GABRG1: variants seen among roughly 807,000 people sequenced by gnomAD.
GABRG1 encodes gamma-aminobutyric acid type A receptor subunit gamma1, also known as gamma-aminobutyric acid receptor subunit gamma-1.
In GABRG1, 49 loss-of-function variants were observed where a neutral mutation model predicts 49.8. That is an observed-to-expected ratio of 0.98 (90% CI 0.78 to 1.25). The LOEUF is 1.25. Among genes scored for constraint, GABRG1 ranks in the 50% most tolerant of loss-of-function variants. The probability of loss-of-function intolerance (pLI) is 0.00; values close to 1 mark genes in which losing one functional copy is unlikely to be tolerated. For missense variants in GABRG1, 552 were observed against 552.3 expected, an observed-to-expected ratio of 1.00 and a Z score of 0.01; for synonymous variants, 232 against 185.1, an observed-to-expected ratio of 1.25 and a Z score of -2.06.
At chr4:46,069,975 G>A (rs1182820169) in intron 3 of GABRG1, among the ~76,000 whole-genome samples, 1 of 151,954 alleles carries the variant, frequency 6.6e-6, no homozygotes, top group Non-Finnish European at 1.5e-5. Flanking sequence ...AGTAAATGGT[G>A]GAGGGAAGGG....
At chr4:46,056,986 A>G (rs1250567266) in intron 7 of GABRG1, among the ~76,000 whole-genome samples, 1 of 152,144 alleles carries the variant, frequency 6.6e-6, no homozygotes, top group African/African-American at 2.4e-5. Context: ...GGTATAAATA[A>G]TCCATTCAAA....
chr4:46,087,181 G>A (rs1388395197), intron 2 of GABRG1, among the ~76,000 whole-genome samples: 1 of 151,340 alleles, frequency 6.6e-6, no homozygotes, highest in Non-Finnish European at 1.5e-5. Flanking sequence ...TAAAGAATTT[G>A]TGTAAGACTT....
Position 46,037,052 on chromosome 4 carries a change from G to C in GABRG1, c.*3936C>G, listed in dbSNP as rs1378092459. On this transcript the variant is annotated 3_prime_UTR_variant, in exon 9 of 9. Transcript: ENST00000295452. ...CTCTTACCTGTTGAATCCCCAGCTC[G>C]CATCTCTAAACACATATCCTCCACA... 1 of 151,410 alleles carries C rather than the reference G, an allele frequency of 6.6e-6. No homozygotes were observed. The highest frequency in any genetic ancestry group is 6.6e-5 in the Admixed American group (1 of 15,146). The allele number at this position is 151,410 out of a possible 1,614,324, so 9.4% of individuals were successfully genotyped here.
intron 1 of GABRG1, among the ~76,000 whole-genome samples, chr4:46,110,921 AC>A (rs1720692186): frequency 6.6e-6 from 1 of 151,084 alleles, no homozygotes. Flanking sequence ...TGGAAGCACC[AC>A]CCTTGATAAC....
chr4:46,082,379 C>T (rs1016147024), intron 3 of GABRG1, among the ~76,000 whole-genome samples: 7 of 151,576 alleles, frequency 4.6e-5, no homozygotes, highest in African/African-American at 1.7e-4. Context: ...TCATCTTCTT[C>T]TAAGCCATGT....
chr4:46,098,660 C>T (rs1314456591), intron 1 of GABRG1, among the ~76,000 whole-genome samples: 2 of 151,646 alleles, frequency 1.3e-5, no homozygotes, highest in Non-Finnish European at 2.9e-5. Flanking sequence ...GTTGGACTAC[C>T]CTGGTCTTGA....
rs995547612 is a variant in GABRG1, at chr4:46,078,237, C to T, written c.321+5749G>A. Among the ~76,000 whole-genome samples, 17 of 152,042 alleles carry T rather than the reference C, an allele frequency of 1.1e-4. No individual in the cohort carries two copies. The East Asian group carries it at 2.3e-3, about 21-fold the overall frequency. Reference sequence around the variant, plus strand: ...TTAATCACATCTAAGAAGACTAATACCTTTTTCTTCCCCACCATTGGCATA... The same window carrying T: ...TTAATCACATCTAAGAAGACTAATATCTTTTTCTTCCCCACCATTGGCATA... On this transcript the variant is annotated intron_variant, in intron 3 of 8. Transcript: ENST00000295452.
intron 3 of GABRG1, among the ~76,000 whole-genome samples, chr4:46,078,335 A>G (rs1719435843): frequency 6.6e-6 from 1 of 152,042 alleles, no homozygotes; most frequent in Non-Finnish European, 1.5e-5. Context: ...TCTTCAAGCT[A>G]ATGTACTTGG....
At position 46,064,155 on chromosome 4, in the gene GABRG1, T is replaced by C. The variant is rs376264180; in HGVS notation, c.625+286A>G. The stretch of plus-strand genomic sequence containing the variant: ...GTGTAAAAACATTTGAATACAAACC[T>C]ATTTTCAATACTCCTTTATTTAATA... On this transcript the variant is annotated intron_variant, in intron 5 of 8. Transcript: ENST00000295452. Among the ~76,000 whole-genome samples, 365 of 152,218 alleles carry C rather than the reference T, an allele frequency of 2.4e-3. 2 individuals are homozygous for C. Among genetic ancestry groups the C allele is most frequent in the African/African-American group, 8.5e-3 (354 of 41,562 alleles).
chr4:46,097,118 GAATAAGAAATAATGATTAAAATAGT>G, intron 2 of GABRG1, 58 bp downstream of exon 2: 1 of 1,203,456 alleles, frequency 8.3e-7, no homozygotes, highest in Non-Finnish European at 1.1e-6. Flanking sequence ...GACACTCAAG[GAATAAGAAATAATGATTAAAATAGT>G]ACCAGTAATG....
rs1720269919 is a variant in GABRG1 at position 46,098,616 on chromosome 4, A to G, written c.105-1267T>C. Among the ~76,000 whole-genome samples, 4 of 151,934 alleles carry G rather than the reference A, an allele frequency of 2.6e-5. No individual in the cohort carries two copies. In the South Asian group the frequency reaches 8.3e-4, roughly 31 times the overall value. On this transcript the variant is annotated intron_variant, in intron 1 of 8. Transcript: ENST00000295452. The stretch of plus-strand genomic sequence containing the variant: ...AGAAATACATCAAGCATGAGAATAC[A>G]AGAGAACACGCCAGTCCGAGATGTT...
At chr4:46,046,103 T>C (rs1717988603) in intron 8 of GABRG1, among the ~76,000 whole-genome samples, 1 of 152,088 alleles carries the variant, frequency 6.6e-6, no homozygotes, top group Admixed American at 6.6e-5. Flanking sequence ...TATTTGTACA[T>C]TTATGAATTG....
chr4:46,102,755 G>GA (rs371279013), intron 1 of GABRG1, among the ~76,000 whole-genome samples: 2 of 151,218 alleles, frequency 1.3e-5, no homozygotes, highest in African/African-American at 2.4e-5. Flanking sequence ...CTGTATGTGG[G>GA]AAAAAAACCT....
At position 46,051,634 on chromosome 4, in the gene GABRG1, G is replaced by T; in HGVS notation, c.921C>A (p.Ile307=). 6.3e-7 allele frequency: 1 copy of T among 1,584,110 alleles called. No individual in the cohort carries two copies. Among genetic ancestry groups the T allele is most frequent in the Non-Finnish European group, 8.7e-7 (1 of 1,155,732 alleles). ...GGGTTGTCATAGTCAGAACTGTAGT[G>T]ATACCTATAGAGAGAGGAAACAAAA... ...DAVPARTSLG[I]TTVLTMTTLS... The change falls in exon 8 of 9, where the codon ATC becomes ATA. Residue 307 remains isoleucine, a synonymous_variant. Coordinates refer to ENST00000295452, the MANE Select transcript of GABRG1 (RefSeq NM_173536.4).
intron 2 of GABRG1, among the ~76,000 whole-genome samples, chr4:46,096,945 A>C (rs980265187): frequency 5.9e-5 from 9 of 151,748 alleles, no homozygotes; most frequent in African/African-American, 2.2e-4. Flanking sequence ...TCTCAGTCTT[A>C]GGCAGTTTTA....
chr4:46,116,364 T>C (rs1175495494), intron 1 of GABRG1, among the ~76,000 whole-genome samples: 1 of 150,794 alleles, frequency 6.6e-6, no homozygotes, highest in African/African-American at 2.4e-5. Flanking sequence ...TCATAGTGCC[T>C]GACAGAACAT....
At chr4:46,052,228 TAAA>T (rs11308746) in intron 7 of GABRG1, among the ~76,000 whole-genome samples, 4 of 146,538 alleles carry the variant, frequency 2.7e-5, no homozygotes, top group Admixed American at 1.4e-4. Flanking sequence ...CGCCTTGAAA[TAAA>T]AAAAAAAAAG....
At chr4:46,086,512 A>G (rs1164781152) in intron 2 of GABRG1, among the ~76,000 whole-genome samples, 1 of 151,540 alleles carries the variant, frequency 6.6e-6, no homozygotes, top group East Asian at 1.9e-4. Flanking sequence ...TCACTTTTGT[A>G]TATTAAAATT....
intron 1 of GABRG1, among the ~76,000 whole-genome samples, chr4:46,114,285 A>T (rs1288016094): frequency 6.6e-6 from 1 of 151,024 alleles, no homozygotes. Flanking sequence ...AGAATTGATA[A>T]TCCACTCAAT....
Sources: gnomAD v4.1 joint callset for allele counts (sites outside exome capture counted in the v4.1 genomes callset) on GRCh38, gnomAD v4.1.1 for gene constraint, MANE v1.5 for transcripts, NCBI Gene and HGNC (gene_info 2026-07-23, HGNC 2026-07-21) for gene names.